TMEM120B: variants seen among roughly 807,000 people sequenced by gnomAD.
The protein encoded by TMEM120B is transmembrane protein 120B.
A neutral mutation model predicts 55.5 loss-of-function variants in TMEM120B; 31 were observed. The ratio of observed to expected loss-of-function variants is 0.56; its 90% confidence interval spans 0.42 to 0.75. The LOEUF (loss-of-function observed/expected upper bound fraction) is 0.75, where lower values mean the gene tolerates loss of function less well. Ranked by LOEUF, TMEM120B falls within the 30% of genes least tolerant of loss-of-function variation. The pLI, the probability that TMEM120B is intolerant of heterozygous loss-of-function variation, is 0.00. For synonymous variants in TMEM120B, 203 were observed against 176.3 expected (o/e 1.15, Z -1.20); for missense variants, 399 against 425.5 (o/e 0.94, Z 0.55).
At chr12:121,764,902 G>A (rs1370411467) in intron 6 of TMEM120B, among the ~76,000 whole-genome samples, 1 of 152,096 alleles carries the variant, frequency 6.6e-6, no homozygotes, top group African/African-American at 2.4e-5. Flanking sequence ...AGCAGGAGCT[G>A]TTCAGAGTTC....
intron 6 of TMEM120B, among the ~76,000 whole-genome samples, chr12:121,766,659 T>C (rs1003364383): frequency 5.9e-5 from 9 of 152,180 alleles, no homozygotes; most frequent in African/African-American, 2.2e-4. Flanking sequence ...CTGGGGGTCA[T>C]GTGCTTGGGT....
chr12:121,759,282 G>T (rs981598888), intron 5 of TMEM120B, among the ~76,000 whole-genome samples: 9 of 151,962 alleles, frequency 5.9e-5, no homozygotes, highest in African/African-American at 2.2e-4. Context: ...AAATCCGAAC[G>T]GGTCTGCAGC....
At chr12:121,761,787 A>G (rs768461623) in intron 6 of TMEM120B, 49 bp downstream of exon 6, 1 of 1,497,296 alleles carries the variant, frequency 6.7e-7, no homozygotes, top group Admixed American at 1.7e-5. Flanking sequence ...GTTAAAGGGA[A>G]ATGTCACGAG....
At chr12:121,713,212 C>T (rs1282285587) in intron 1 of TMEM120B, among the ~76,000 whole-genome samples, 1 of 152,182 alleles carries the variant, frequency 6.6e-6, no homozygotes, top group African/African-American at 2.4e-5. Flanking sequence ...CTGCTCCACG[C>T]ACCCCCTTCG....
intron 5 of TMEM120B, 109 bp from the exon 6 acceptor site, chr12:121,761,540 G>A: frequency 7.9e-6 from 6 of 756,664 alleles, no homozygotes; most frequent in Admixed American, 4.2e-5. Context: ...GAGGCAGCGC[G>A]TGCTGTGGGC....
chr12:121,713,002 C>G (rs753067716), intron 1 of TMEM120B, 38 bp downstream of exon 1: 3 of 1,479,916 alleles, frequency 2.0e-6, no homozygotes, highest in South Asian at 2.6e-5. Context: ...CTCTGCTGCC[C>G]GCGGTGCAGC....
chr12:121,756,327 C>T (rs1379103739), intron 5 of TMEM120B, among the ~76,000 whole-genome samples: 1 of 152,060 alleles, frequency 6.6e-6, no homozygotes, highest in Non-Finnish European at 1.5e-5. Flanking sequence ...GCGAAACCCC[C>T]TCTCTACAAA....
At chr12:121,755,490 G>A (rs1050461163) in intron 5 of TMEM120B, among the ~76,000 whole-genome samples, 1 of 152,234 alleles carries the variant, frequency 6.6e-6, no homozygotes, top group Non-Finnish European at 1.5e-5. Context: ...TTTGAACCAG[G>A]CTAGGAAAGA....
At position 121,781,419 on chromosome 12, in the gene TMEM120B, C is replaced by T. The variant is rs1257450110; in HGVS notation, c.*5697C>T. The stretch of plus-strand genomic sequence containing the variant: ...CCAGGAGGTCAAGGCTACAGTGAGC[C>T]GTGATCATGCCACTGCACTCCAGCC... On this transcript the variant is annotated 3_prime_UTR_variant, in exon 12 of 12. Coordinates refer to ENST00000449592, the MANE Select transcript of TMEM120B (RefSeq NM_001080825.2). The T allele has an allele frequency of 7.9e-6, 4 of 503,246 alleles. No homozygotes were observed. Among genetic ancestry groups the T allele is most frequent in the African/African-American group, 3.9e-5 (2 of 51,590 alleles). The allele number at this position is 503,246 out of a possible 1,614,324, so 31.2% of individuals were successfully genotyped here.
intron 1 of TMEM120B, among the ~76,000 whole-genome samples, chr12:121,737,434 G>A (rs1872780106): frequency 6.6e-6 from 1 of 152,212 alleles, no homozygotes; most frequent in Non-Finnish European, 1.5e-5. Context: ...GAACCTAGGA[G>A]GCGGAGGTTG....
intron 1 of TMEM120B, among the ~76,000 whole-genome samples, chr12:121,713,368 A>T (rs995633242): frequency 1.3e-5 from 2 of 151,780 alleles, no homozygotes; most frequent in Non-Finnish European, 2.9e-5. Context: ...TTGGTAGCTC[A>T]GCTCCCACCC....
chr12:121,758,062 TG>T, intron 5 of TMEM120B: 4 of 596,470 alleles, frequency 6.7e-6, no homozygotes, highest in Non-Finnish European at 8.4e-6. Flanking sequence ...AAGGCTACAG[TG>T]GGCCATGATC....
At chr12:121,764,828 CAG>C (rs998932202) in intron 6 of TMEM120B, among the ~76,000 whole-genome samples, 5 of 152,168 alleles carry the variant, frequency 3.3e-5, no homozygotes, top group African/African-American at 9.7e-5. Context: ...TCCAGCAAAA[CAG>C]AGAGGGCTGC....
intron 6 of TMEM120B, among the ~76,000 whole-genome samples, chr12:121,767,077 G>A (rs923159982): frequency 3.3e-5 from 5 of 152,004 alleles, no homozygotes; most frequent in Non-Finnish European, 7.4e-5. Context: ...GGGACATGCT[G>A]TCCCTACGTC....
chr12:121,727,262 G>A (rs1443738648), intron 1 of TMEM120B, among the ~76,000 whole-genome samples: 2 of 148,602 alleles, frequency 1.3e-5, no homozygotes, highest in African/African-American at 5.0e-5. Context: ...ACATCCAGGG[G>A]CCATGGCTCA....
chr12:121,720,762 G>A (rs946341698), intron 1 of TMEM120B, among the ~76,000 whole-genome samples: 1 of 152,062 alleles, frequency 6.6e-6, no homozygotes, highest in African/African-American at 2.4e-5. Context: ...CCAGCAAGAG[G>A]CACAGCTCTA....
At chr12:121,730,058 A>G (rs890867420) in intron 1 of TMEM120B, among the ~76,000 whole-genome samples, 3 of 151,940 alleles carry the variant, frequency 2.0e-5, no homozygotes, top group African/African-American at 7.3e-5. Flanking sequence ...CAGGAGATCG[A>G]TACCATCCTG....
chr12:121,729,555 C>G (rs1177027884), intron 1 of TMEM120B, among the ~76,000 whole-genome samples: 1 of 151,954 alleles, frequency 6.6e-6, no homozygotes, highest in African/African-American at 2.4e-5. Context: ...CCTGTAATCC[C>G]AGCACTTTGG....
chr12:121,760,778 A>G (rs952775463), intron 5 of TMEM120B, among the ~76,000 whole-genome samples: 1 of 152,142 alleles, frequency 6.6e-6, no homozygotes, highest in African/African-American at 2.4e-5. Context: ...CCTGATGGTC[A>G]CCTGACATTC....
Sources: allele counts gnomAD v4.1 joint callset (sites outside exome capture counted in the v4.1 genomes callset), GRCh38; gene constraint gnomAD v4.1.1; transcripts MANE v1.5; gene names NCBI Gene and HGNC (gene_info 2026-07-23, HGNC 2026-07-21).